The following TMEM207 variants were observed in gnomAD, a reference collection of about 807,000 sequenced individuals.
The protein encoded by TMEM207 is SRSR846.
A neutral mutation model predicts 17.4 loss-of-function variants in TMEM207; 15 were observed. That is an observed-to-expected ratio of 0.86 (90% CI 0.58 to 1.33). TMEM207 has a LOEUF of 1.33. Among genes scored for constraint, TMEM207 ranks in the 40% most tolerant of loss-of-function variants. TMEM207 has a pLI of 0.00. For missense variants in TMEM207, 205 were observed against 173.8 expected (o/e 1.18, Z -1.01); for synonymous variants, 70 against 65.6 (o/e 1.07, Z -0.33).
intron 4 of TMEM207, among the ~76,000 whole-genome samples, chr3:190,432,662 AGG>A (rs1719716203): frequency 6.6e-6 from 1 of 152,150 alleles, no homozygotes; most frequent in Admixed American, 6.5e-5. Context: ...GGGAGACTGG[AGG>A]GAGAAGAGAG....
At chr3:190,440,472 T>C in intron 3 of TMEM207, 83 bp from the exon 4 acceptor site, 1 of 1,349,774 alleles carries the variant, frequency 7.4e-7, no homozygotes, top group Non-Finnish European at 1.0e-6. Context: ...AGAAGTGGGG[T>C]GAAGACTCAG....
At chr3:190,433,982 T>C (rs1260003887) in intron 4 of TMEM207, among the ~76,000 whole-genome samples, 1 of 152,162 alleles carries the variant, frequency 6.6e-6, no homozygotes, top group Non-Finnish European at 1.5e-5. Flanking sequence ...CTTTGCCTTC[T>C]GCCATGATTT....
At chr3:190,449,046 TAAAC>T (rs1467754640) in intron 1 of TMEM207, among the ~76,000 whole-genome samples, 1 of 152,176 alleles carries the variant, frequency 6.6e-6, no homozygotes, top group Non-Finnish European at 1.5e-5. Flanking sequence ...GCTTAACAGA[TAAAC>T]AAATAAAACC....
At chr3:190,442,850 G>A (rs907861735) in intron 2 of TMEM207, among the ~76,000 whole-genome samples, 1 of 152,112 alleles carries the variant, frequency 6.6e-6, no homozygotes, top group South Asian at 2.1e-4. Flanking sequence ...AAATAGTATA[G>A]AGACTTCAAT....
At chr3:190,431,866 G>C (rs528200518) in intron 4 of TMEM207, among the ~76,000 whole-genome samples, 93 of 152,204 alleles carry the variant, frequency 6.1e-4, no homozygotes, top group African/African-American at 2.0e-3. Context: ...AAATTTTGCT[G>C]TTGATCTTAA....
At chr3:190,433,460 A>G (rs188606644) in intron 4 of TMEM207, among the ~76,000 whole-genome samples, 1 of 152,282 alleles carries the variant, frequency 6.6e-6, no homozygotes, top group Admixed American at 6.5e-5. Flanking sequence ...TCTTTTTTTA[A>G]AAAAACTATT....
At chr3:190,435,237 G>T (rs1415871821) in intron 4 of TMEM207, among the ~76,000 whole-genome samples, 1 of 152,148 alleles carries the variant, frequency 6.6e-6, no homozygotes, top group Non-Finnish European at 1.5e-5. Flanking sequence ...TTTCGGCAGG[G>T]TAGGTTTCTT....
intron 4 of TMEM207, among the ~76,000 whole-genome samples, chr3:190,436,949 A>G (rs1247520821): frequency 6.6e-6 from 1 of 152,188 alleles, no homozygotes; most frequent in Non-Finnish European, 1.5e-5. Flanking sequence ...CATCCTGAGC[A>G]TTCCTGGGAC....
chr3:190,443,180 T>C (rs1366275515), intron 2 of TMEM207, among the ~76,000 whole-genome samples: 1 of 151,784 alleles, frequency 6.6e-6, no homozygotes, highest in Non-Finnish European at 1.5e-5. Flanking sequence ...GTTTTGTTTT[T>C]CTTTTTTGAA....
At chr3:190,433,661 AAT>A (rs371739489) in intron 4 of TMEM207, among the ~76,000 whole-genome samples, 42 of 152,200 alleles carry the variant, frequency 2.8e-4, no homozygotes, top group African/African-American at 1.0e-3. Context: ...TCTGTGGCTC[AAT>A]GTGTGTTTTC....
chr3:190,439,155 C>A (rs548465181), intron 4 of TMEM207, among the ~76,000 whole-genome samples: 124 of 126,252 alleles, frequency 9.8e-4, no homozygotes, highest in African/African-American at 3.4e-3. Flanking sequence ...CCCGCCTGGG[C>A]GACAGAGCGA....
chr3:190,445,609 G>A (rs1448619438), intron 2 of TMEM207, among the ~76,000 whole-genome samples: 3 of 151,946 alleles, frequency 2.0e-5, no homozygotes, highest in East Asian at 1.9e-4. Context: ...CACTGCAACC[G>A]CCACCTCCCA....
At chr3:190,446,219 T>G (rs1255180145) in intron 2 of TMEM207, among the ~76,000 whole-genome samples, 2 of 152,212 alleles carry the variant, frequency 1.3e-5, no homozygotes, top group Non-Finnish European at 2.9e-5. Flanking sequence ...GTGTATTTTA[T>G]CAGGAGATAA....
intron 2 of TMEM207, among the ~76,000 whole-genome samples, chr3:190,443,110 G>A (rs1350867585): frequency 1.3e-5 from 2 of 150,602 alleles, no homozygotes; most frequent in Non-Finnish European, 2.9e-5. Flanking sequence ...CAGATGTGGG[G>A]AAATTCTCTT....
intron 3 of TMEM207, among the ~76,000 whole-genome samples, chr3:190,440,795 G>A (rs1259656223): frequency 1.3e-5 from 2 of 152,182 alleles, no homozygotes; most frequent in South Asian, 2.1e-4. Context: ...GGGGCCGGGC[G>A]CGGTGGCTCA....
At position 190,429,312 on chromosome 3, in the gene TMEM207, C is replaced by A. The variant is rs560369119; in HGVS notation, c.*283G>T. 1.2e-5 allele frequency: 4 copies of A among 344,048 alleles called. No individual in the cohort carries two copies. The South Asian group carries it at 1.4e-4, about 12-fold the overall frequency. The allele number at this position is 344,048 out of a possible 1,614,324, so 21.3% of individuals were successfully genotyped here. ...ATGTGATGGAAACTACTTCCAGCAC[C>A]TAATTGTTGCCTGTTTGGATACTAG... On this transcript the variant is annotated 3_prime_UTR_variant, in exon 5 of 5. Coordinates refer to ENST00000354905, the MANE Select transcript of TMEM207 (RefSeq NM_207316.3).
At chr3:190,433,793 GC>G (rs1719742032) in intron 4 of TMEM207, among the ~76,000 whole-genome samples, 1 of 152,100 alleles carries the variant, frequency 6.6e-6, no homozygotes, top group Admixed American at 6.6e-5. Flanking sequence ...TGAAGACGGG[GC>G]CCGGTGGGAG....
intron 2 of TMEM207, chr3:190,444,467 TC>T: frequency 1.0e-6 from 1 of 983,792 alleles, no homozygotes; most frequent in Non-Finnish European, 1.2e-6. Flanking sequence ...GAATCCAGTA[TC>T]CCGTGTTCCA....
chr3:190,431,444 A>C (rs1577441712), intron 4 of TMEM207, among the ~76,000 whole-genome samples: 1 of 151,980 alleles, frequency 6.6e-6, no homozygotes, highest in African/African-American at 2.4e-5. Context: ...ATAGTTAAAT[A>C]ATGATTTAAA....
Sources: gnomAD v4.1 joint callset for allele counts (sites outside exome capture counted in the v4.1 genomes callset) on GRCh38, gnomAD v4.1.1 for gene constraint, MANE v1.5 for transcripts, NCBI Gene and HGNC (gene_info 2026-07-23, HGNC 2026-07-21) for gene names.